PPP1R9A: variants seen among roughly 807,000 people sequenced by gnomAD.
PPP1R9A encodes neurabin-1.
A neutral mutation model predicts 141.9 loss-of-function variants in PPP1R9A; 59 were observed. That is an observed-to-expected ratio of 0.42 (90% CI 0.34 to 0.52). PPP1R9A has a LOEUF of 0.52. Among genes scored for constraint, PPP1R9A ranks in the 20% least tolerant of loss-of-function variants. The pLI, the probability that PPP1R9A is intolerant of heterozygous loss-of-function variation, is 0.10. For missense variants in PPP1R9A, 1,444 were observed against 1,611.9 expected (o/e 0.90, Z 1.78); for synonymous variants, 500 against 569.7 (o/e 0.88, Z 1.74).
chr7:95,258,547 A>G (rs1428919012), intron 12 of PPP1R9A, among the ~76,000 whole-genome samples: 3 of 152,172 alleles, frequency 2.0e-5, no homozygotes, highest in African/African-American at 7.2e-5. Flanking sequence ...TGATCATTAA[A>G]AGACATTATA....
intron 2 of PPP1R9A, among the ~76,000 whole-genome samples, chr7:94,946,443 A>G (rs1198805024): frequency 6.6e-6 from 1 of 152,022 alleles, no homozygotes; most frequent in Non-Finnish European, 1.5e-5. Flanking sequence ...TGAAAATCCC[A>G]TAGTCAGAAT....
At chr7:95,190,133 T>G (rs1408106762) in intron 5 of PPP1R9A, among the ~76,000 whole-genome samples, 1 of 152,162 alleles carries the variant, frequency 6.6e-6, no homozygotes, top group Non-Finnish European at 1.5e-5. Flanking sequence ...CTTTTCCGAT[T>G]CCTTCTCATT....
chr7:95,117,345 T>C (rs985626477), intron 3 of PPP1R9A, among the ~76,000 whole-genome samples: 1 of 152,122 alleles, frequency 6.6e-6, no homozygotes, highest in African/African-American at 2.4e-5. Context: ...CAGAGAAAGC[T>C]GTATGTAAAT....
Position 94,910,933 on chromosome 7 carries a change from A to C in PPP1R9A, c.820A>C (p.Ser274Arg), listed in dbSNP as rs1410614047. 4 of 1,614,120 alleles carry C rather than the reference A, an allele frequency of 2.5e-6. 1 individual carries two copies. The highest frequency in any genetic ancestry group is 8.5e-7 in the Non-Finnish European group (1 of 1,180,018). ...TGTTGATACAGAGGATGCTCACAAG[A>C]GTAATGCAACTCCAGTACCAGAAGT... ...RGVDTEDAHK[S>R]NATPVPEVAS... is the part of the protein sequence containing the mutation. Residue 274 changes from serine (S) to arginine (R), a missense_variant, in exon 2 of 20, where the codon AGT becomes CGT. Around this residue, in one of 5 missense-constraint regions of PPP1R9A, gnomAD observed 490 missense variants for 521.1 expected, o/e 0.94. Coordinates refer to ENST00000433360, the MANE Select transcript of PPP1R9A (RefSeq NM_001166160.2). The surrounding 1 kb of genome is among the most constrained non-coding windows in gnomAD (Gnocchi z 4.5).
intron 2 of PPP1R9A, among the ~76,000 whole-genome samples, chr7:94,996,209 C>T (rs563043867): frequency 4.5e-4 from 69 of 152,124 alleles, no homozygotes; most frequent in Non-Finnish European, 8.1e-4. Context: ...ATAGCTGAAA[C>T]TTTAACATCT....
chr7:95,286,424 A>T lies in PPP1R9A; in HGVS notation c.3729+99A>T. Reference sequence around the variant, plus strand: ...TGTTTTTAGGGTAGATATTGCATAGAAATCATCAGGACTGTGGTTTATGTT... The same window carrying T: ...TGTTTTTAGGGTAGATATTGCATAGTAATCATCAGGACTGTGGTTTATGTT... On this transcript the variant is annotated intron_variant, in intron 18 of 19. Transcript: ENST00000433360. 4 of 1,522,744 alleles carry T rather than the reference A, an allele frequency of 2.6e-6. No homozygotes were observed. The South Asian group carries it at 3.7e-5, about 14-fold the overall frequency. The allele number at this position is 1,522,744 out of a possible 1,614,324, so 94.3% of individuals were successfully genotyped here.
intron 2 of PPP1R9A, among the ~76,000 whole-genome samples, chr7:94,995,682 A>G (rs547004967): frequency 9.9e-5 from 15 of 151,984 alleles, no homozygotes; most frequent in African/African-American, 3.1e-4. Flanking sequence ...ACCTCTACTT[A>G]ATTTTTGACT....
At chr7:95,022,629 TG>T (rs1352340764) in intron 2 of PPP1R9A, among the ~76,000 whole-genome samples, 1 of 152,198 alleles carries the variant, frequency 6.6e-6, no homozygotes, top group Non-Finnish European at 1.5e-5. Context: ...CACAAATAGC[TG>T]GTCTTATTTT....
At chr7:95,168,344 A>C (rs1423853589) in intron 5 of PPP1R9A, among the ~76,000 whole-genome samples, 1 of 152,176 alleles carries the variant, frequency 6.6e-6, no homozygotes, top group African/African-American at 2.4e-5. Flanking sequence ...ATCTATTTGC[A>C]GGAGAATGAA....
intron 4 of PPP1R9A, among the ~76,000 whole-genome samples, chr7:95,128,312 C>T (rs1823940063): frequency 6.6e-6 from 1 of 152,176 alleles, no homozygotes; most frequent in Non-Finnish European, 1.5e-5. Context: ...TGTATGCCCT[C>T]TATTGAGAAG....
At chr7:95,207,708 G>A (rs1033655399) in intron 7 of PPP1R9A, among the ~76,000 whole-genome samples, 1 of 152,056 alleles carries the variant, frequency 6.6e-6, no homozygotes, top group Non-Finnish European at 1.5e-5. Context: ...TGATGAGATT[G>A]TCTATTTAAA....
intron 19 of PPP1R9A, among the ~76,000 whole-genome samples, chr7:95,289,775 C>T (rs188146895): frequency 6.6e-6 from 1 of 152,314 alleles, no homozygotes; most frequent in African/African-American, 2.4e-5. Flanking sequence ...TACCTTTACC[C>T]GTAAATGCCT....
chr7:95,021,865 T>C (rs1027267130), intron 2 of PPP1R9A, among the ~76,000 whole-genome samples: 2 of 152,218 alleles, frequency 1.3e-5, no homozygotes, highest in Non-Finnish European at 2.9e-5. Flanking sequence ...CTGTTTTGGT[T>C]ACTGTAGCCT....
intron 2 of PPP1R9A, among the ~76,000 whole-genome samples, chr7:94,978,216 T>G (rs1468491264): frequency 2.6e-5 from 4 of 152,208 alleles, no homozygotes; most frequent in Non-Finnish European, 5.9e-5. Flanking sequence ...TGATTTCTTA[T>G]AAGATACCTA....
At chr7:95,110,148 A>G (rs932504180) in intron 2 of PPP1R9A, among the ~76,000 whole-genome samples, 2 of 152,162 alleles carry the variant, frequency 1.3e-5, no homozygotes, top group Non-Finnish European at 2.9e-5. Flanking sequence ...GCTTCTATAT[A>G]TGCGTATGTA....
chr7:94,914,804 TAACAAATAC>T (rs1279246361), intron 2 of PPP1R9A, among the ~76,000 whole-genome samples: 1 of 152,128 alleles, frequency 6.6e-6, no homozygotes, highest in African/African-American at 2.4e-5. Context: ...AATGCAAATA[TAACAAATAC>T]AACAAATACA....
intron 2 of PPP1R9A, among the ~76,000 whole-genome samples, chr7:94,960,493 A>G (rs1002356314): frequency 6.6e-6 from 1 of 151,726 alleles, no homozygotes; most frequent in Non-Finnish European, 1.5e-5. Flanking sequence ...TCAAAATAAA[A>G]TGAAGAGAAA....
At chr7:95,028,602 T>C (rs910158230) in intron 2 of PPP1R9A, among the ~76,000 whole-genome samples, 1 of 152,192 alleles carries the variant, frequency 6.6e-6, no homozygotes, top group African/African-American at 2.4e-5. Flanking sequence ...AAATAATGTG[T>C]GTTCACTTGG....
At chr7:95,264,855 G>A (rs935761800) in intron 12 of PPP1R9A, among the ~76,000 whole-genome samples, 9 of 152,180 alleles carry the variant, frequency 5.9e-5, no homozygotes, top group African/African-American at 2.2e-4. Flanking sequence ...ATGGACAACA[G>A]AACAAGGCAC....
Sources: gnomAD v4.1 joint callset for allele counts (sites outside exome capture counted in the v4.1 genomes callset) on GRCh38, gnomAD v4.1.1 for gene constraint, gnomAD v4.1.1 regional missense constraint, Gnocchi (gnomAD v3.1) non-coding constraint, MANE v1.5 for transcripts, NCBI Gene and HGNC (gene_info 2026-07-23, HGNC 2026-07-21) for gene names.